Variants in TMEM131 observed in about 807,000 individuals in gnomAD.
The protein encoded by TMEM131 is transmembrane protein 131.
Under a neutral mutation model 211.6 loss-of-function variants are expected in TMEM131, and 66 were observed. The ratio of observed to expected loss-of-function variants is 0.31; its 90% CI spans 0.26 to 0.38. The LOEUF (loss-of-function observed/expected upper bound fraction) is 0.38. Among genes scored for constraint, TMEM131 ranks in the 10% least tolerant of loss-of-function variants. The pLI, the probability that TMEM131 is intolerant of heterozygous loss-of-function variation, is 1.00. For synonymous variants in TMEM131, 844 were observed against 841.3 expected (o/e 1.00, Z -0.06); for missense variants, 2,036 against 2,299.3 (o/e 0.89, Z 2.34).
At position 97,796,018 on chromosome 2, in the gene TMEM131, C is replaced by T. The variant is rs561149185; in HGVS notation, c.3200+200G>A. Among the ~76,000 whole-genome samples the T allele has an allele frequency of 7.2e-5, 11 of 151,732 alleles. No homozygotes were observed. The East Asian group carries it at 1.9e-3, about 27-fold the overall frequency. The stretch of plus-strand genomic sequence containing the variant: ...TTGAAAACTGAGATATGAAGAAATG[C>T]CTTAACCAAAGATTAAGTGAAAAAA... On this transcript the variant is annotated intron_variant, in intron 28 of 40. Transcript: ENST00000186436.
chr2:97,813,472 C>T (rs1681660177), intron 15 of TMEM131, among the ~76,000 whole-genome samples: 1 of 152,176 alleles, frequency 6.6e-6, no homozygotes, highest in South Asian at 2.1e-4. Context: ...TGCTTATTTT[C>T]TGTACCAGGA....
chr2:97,847,070 T>TGGGGGGGG (rs70938540), intron 5 of TMEM131, among the ~76,000 whole-genome samples: 2 of 23,034 alleles, frequency 8.7e-5, no homozygotes, highest in Admixed American at 9.0e-4. Context: ...TCCCAGCTAC[T>TGGGGGGGG]GGGGGGGGGG....
At chr2:97,894,607 A>C (rs764449596) in intron 3 of TMEM131, among the ~76,000 whole-genome samples, 5 of 152,078 alleles carry the variant, frequency 3.3e-5, no homozygotes, top group Non-Finnish European at 5.9e-5. Context: ...TATCCCTTGT[A>C]AGTTGGATTC....
intron 2 of TMEM131, among the ~76,000 whole-genome samples, chr2:97,924,541 T>C (rs1676897675): frequency 2.0e-5 from 3 of 152,172 alleles, no homozygotes; most frequent in African/African-American, 7.2e-5. Flanking sequence ...CTGCCTGTGG[T>C]ACACCTGGCC....
intron 31 of TMEM131, among the ~76,000 whole-genome samples, chr2:97,789,160 C>T (rs1032305666): frequency 6.6e-6 from 1 of 152,214 alleles, no homozygotes; most frequent in Admixed American, 6.5e-5. Flanking sequence ...TCCTCAAGTC[C>T]AGGCTCCGCG....
intron 1 of TMEM131, among the ~76,000 whole-genome samples, chr2:97,975,500 T>C (rs1393280571): frequency 6.6e-6 from 1 of 152,166 alleles, no homozygotes; most frequent in Non-Finnish European, 1.5e-5. Context: ...TGAACAACTT[T>C]GCCAATTAAT....
intron 18 of TMEM131, among the ~76,000 whole-genome samples, chr2:97,810,679 G>A (rs1681507757): frequency 1.3e-5 from 2 of 152,158 alleles, no homozygotes; most frequent in African/African-American, 4.8e-5. Flanking sequence ...TTAGTCCCTT[G>A]ACTTTGAATG....
intron 1 of TMEM131, among the ~76,000 whole-genome samples, chr2:97,957,353 AATTT>A (rs1300703931): frequency 1.3e-5 from 2 of 152,214 alleles, no homozygotes; most frequent in Non-Finnish European, 2.9e-5. Context: ...TTATTTTTAA[AATTT>A]ATTTAGTCAC....
At chr2:97,831,664 C>CTTTTTTTTTTTTTTTTTTTTTTTTTTT (rs11378393) in intron 11 of TMEM131, among the ~76,000 whole-genome samples, 1 of 80,614 alleles carries the variant, frequency 1.2e-5, no homozygotes, top group Admixed American at 1.7e-4. Context: ...TCACATACCT[C>CTTTTTTTTTTTTTTTTTTTTTTTTTTT]TTTTTTTTTT....
chr2:97,788,058 G>A (rs577391758), intron 31 of TMEM131, among the ~76,000 whole-genome samples: 71 of 152,222 alleles, frequency 4.7e-4, no homozygotes, highest in African/African-American at 1.7e-3. Flanking sequence ...TGCCAGCACA[G>A]CACCCCACCG....
intron 32 of TMEM131, among the ~76,000 whole-genome samples, chr2:97,774,933 G>C (rs1028364887): frequency 2.0e-5 from 3 of 152,134 alleles, no homozygotes; most frequent in African/African-American, 4.8e-5. Flanking sequence ...TGGCTAACTT[G>C]AAAGTAAGTT....
At chr2:97,783,325 A>G (rs1680101665) in intron 31 of TMEM131, among the ~76,000 whole-genome samples, 1 of 152,154 alleles carries the variant, frequency 6.6e-6, no homozygotes, top group Non-Finnish European at 1.5e-5. Flanking sequence ...AGTTACCAAA[A>G]CAGAAAGGAA....
At chr2:97,793,915 A>C (rs979697638) in intron 29 of TMEM131, among the ~76,000 whole-genome samples, 2 of 141,104 alleles carry the variant, frequency 1.4e-5, no homozygotes, top group African/African-American at 2.7e-5. Flanking sequence ...AATGGCATGA[A>C]CCCGGGAGGC....
intron 1 of TMEM131, among the ~76,000 whole-genome samples, chr2:97,939,139 A>G (rs1677592830): frequency 6.6e-6 from 1 of 152,194 alleles, no homozygotes; most frequent in African/African-American, 2.4e-5. Context: ...AAGAGCAAAC[A>G]CATTCAAAAG....
chr2:97,929,266 A>AAC (rs1325246224), intron 1 of TMEM131, among the ~76,000 whole-genome samples: 1 of 151,826 alleles, frequency 6.6e-6, no homozygotes, highest in Admixed American at 6.5e-5. Flanking sequence ...CCAAAGCTGA[A>AAC]ACAATCTGAG....
chr2:97,988,261 A>G (rs1050402912), intron 1 of TMEM131, among the ~76,000 whole-genome samples: 2 of 152,204 alleles, frequency 1.3e-5, no homozygotes, highest in African/African-American at 4.8e-5. Flanking sequence ...TCCACATGCA[A>G]AAGAATAGAG....
At chr2:97,972,498 A>AGGCG (rs1679351221) in intron 1 of TMEM131, among the ~76,000 whole-genome samples, 2 of 149,270 alleles carry the variant, frequency 1.3e-5, no homozygotes, top group Admixed American at 6.7e-5. Context: ...GCGGGCAGGC[A>AGGCG]GGCGGGCAGG....
At chr2:97,994,982 C>G (rs2104697535) in intron 1 of TMEM131, among the ~76,000 whole-genome samples, 1 of 152,276 alleles carries the variant, frequency 6.6e-6, no homozygotes, top group African/African-American at 2.4e-5. Flanking sequence ...ATAAAGTTAT[C>G]AATAACGCAG....
At position 97,820,050 on chromosome 2, in the gene TMEM131, T is replaced by C. The variant is rs201810427; in HGVS notation, c.1075-1329A>G. Among the ~76,000 whole-genome samples the C allele has an allele frequency of 3.9e-5, 6 of 152,300 alleles. No homozygotes were observed. In the East Asian group the frequency reaches 9.6e-4, roughly 24 times the overall value. On this transcript the variant is annotated intron_variant, in intron 11 of 40. Coordinates refer to ENST00000186436, the MANE Select transcript of TMEM131 (RefSeq NM_015348.2). ...CACTGCTAGAGCAGCTCCCTTTCCA[T>C]TGGTGGGTTAGTCCTGGGCTGTCAG...
Sources: gnomAD v4.1 joint callset for allele counts (sites outside exome capture counted in the v4.1 genomes callset) on GRCh38, gnomAD v4.1.1 for gene constraint, MANE v1.5 for transcripts, NCBI Gene and HGNC (gene_info 2026-07-23, HGNC 2026-07-21) for gene names.